Variants in MED13L observed in about 807,000 individuals in gnomAD.
MED13L encodes the protein mediator complex subunit 13L.
MED13L carries 7 observed loss-of-function variants against 220.9 expected under a neutral mutation model. That is an observed-to-expected ratio of 0.03 (90% CI 0.02 to 0.06). The LOEUF is 0.06. Ranked by LOEUF, MED13L falls within the 10% of genes least tolerant of loss-of-function variation. MED13L has a pLI of 1.00. For missense variants in MED13L, 1,965 were observed against 2,760.5 expected (o/e 0.71, Z 6.46); for synonymous variants, 1,011 against 1,015.2 (o/e 1.00, Z 0.08).
chr12:116,086,561 C>A (rs981895626), intron 4 of MED13L, among the ~76,000 whole-genome samples: 6 of 152,104 alleles, frequency 3.9e-5, no homozygotes, highest in African/African-American at 1.4e-4. Context: ...GGATTACAGG[C>A]GTGAGCTACT....
At chr12:116,144,414 C>CA (rs1877318541) in intron 2 of MED13L, among the ~76,000 whole-genome samples, 1 of 152,094 alleles carries the variant, frequency 6.6e-6, no homozygotes, top group Admixed American at 6.6e-5. Flanking sequence ...TGGGTGATTC[C>CA]AAAACTGAGT....
intron 14 of MED13L, 129 bp from the exon 15 acceptor site, chr12:115,997,359 A>T: frequency 1.4e-6 from 1 of 710,704 alleles, no homozygotes; most frequent in South Asian, 1.7e-5. Flanking sequence ...TCACAAAAGA[A>T]TATTAATAAT....
rs1393821873 is a variant in MED13L, at chr12:116,090,721, G to A, written c.479+5948C>T. Among the ~76,000 whole-genome samples the A allele has an allele frequency of 3.9e-5, 6 of 152,226 alleles. No homozygotes were observed. The South Asian group carries it at 1.2e-3, about 32-fold the overall frequency. ...AGATCATCTACATTTCCGGATGAACGGTCTATTGAACAAGGAGAGATTTGT... is the reference window on the plus strand; with the variant it reads ...AGATCATCTACATTTCCGGATGAACAGTCTATTGAACAAGGAGAGATTTGT... On this transcript the variant is annotated intron_variant, in intron 4 of 30. Transcript: ENST00000281928.
rs558781809 is a variant in MED13L at position 116,220,988 on chromosome 12, G to A, written c.310+16480C>T. 7.2e-5 allele frequency among the ~76,000 whole-genome samples: 11 copies of A among 152,172 alleles called. 4 individuals carry two copies. Among genetic ancestry groups the A allele is most frequent in the African/African-American group, 2.2e-4 (9 of 41,524 alleles). On this transcript the variant is annotated intron_variant, in intron 2 of 30. Coordinates refer to ENST00000281928, the MANE Select transcript of MED13L (RefSeq NM_015335.5). The stretch of plus-strand genomic sequence containing the variant: ...TCAACTAGGTTAAGTTAACAATCTC[G>A]ATGCGGTAAAAGCTGCCACTTATTT...
At chr12:116,128,297 G>C (rs1875766272) in intron 2 of MED13L, among the ~76,000 whole-genome samples, 1 of 152,038 alleles carries the variant, frequency 6.6e-6, no homozygotes. Context: ...AACCTAATAT[G>C]ATTCTAAGGA....
At chr12:116,061,538 T>A (rs2137637150) in intron 4 of MED13L, among the ~76,000 whole-genome samples, 1 of 152,206 alleles carries the variant, frequency 6.6e-6, no homozygotes, top group South Asian at 2.1e-4. Context: ...TAAAATAAGA[T>A]AAAATAAGTG....
chr12:116,186,564 G>A (rs1333445797), intron 2 of MED13L, among the ~76,000 whole-genome samples: 2 of 152,130 alleles, frequency 1.3e-5, no homozygotes, highest in Non-Finnish European at 2.9e-5. Context: ...GTAGGCATGT[G>A]ACACTAAGTC....
chr12:115,997,023 G>A lies in MED13L; in HGVS notation c.2777C>T (p.Pro926Leu), dbSNP rs1354851277. The A allele has an allele frequency of 6.2e-7, 1 of 1,613,618 alleles. No individual in the cohort carries two copies. The highest frequency in any genetic ancestry group is 1.1e-5 in the South Asian group (1 of 91,082). ...EVEDGLGSPKPEEIKDFSYVH... is the reference protein window; with the variant it reads ...EVEDGLGSPKLEEIKDFSYVH... ...ATTGACAACTACCTTAATTTCCTCG[G>A]GCTTGGGACTTCCTAATCCATCTTC... The change falls in exon 15 of 31, where the codon CCC (proline) becomes CTC (leucine). Residue 926 changes from proline (P) to leucine (L), a missense_variant. Around this residue, in one of 10 missense-constraint regions of MED13L, gnomAD observed 233 missense variants for 306.2 expected, o/e 0.76. Transcript: ENST00000281928.
At chr12:115,976,605 T>C (rs1280768198) in intron 23 of MED13L, among the ~76,000 whole-genome samples, 1 of 152,222 alleles carries the variant, frequency 6.6e-6, no homozygotes, top group Non-Finnish European at 1.5e-5. Flanking sequence ...ACACTTATGA[T>C]TGAGTACTTT....
At chr12:116,055,231 G>T (rs1203955433) in intron 4 of MED13L, among the ~76,000 whole-genome samples, 1 of 152,256 alleles carries the variant, frequency 6.6e-6, no homozygotes, top group East Asian at 1.9e-4. Flanking sequence ...CTGAATGCTA[G>T]AAATAAGGAT....
chr12:116,081,689 A>G (rs1181534977), intron 4 of MED13L, among the ~76,000 whole-genome samples: 1 of 152,192 alleles, frequency 6.6e-6, no homozygotes, highest in Non-Finnish European at 1.5e-5. Flanking sequence ...AAACATAATG[A>G]GACCCTGTCT....
chr12:116,175,707 T>C (rs186135348), intron 2 of MED13L, among the ~76,000 whole-genome samples: 16 of 152,242 alleles, frequency 1.1e-4, no homozygotes, highest in Middle Eastern at 3.4e-3. Flanking sequence ...CAGAGCAGCA[T>C]ACTAAACATT....
intron 4 of MED13L, among the ~76,000 whole-genome samples, chr12:116,050,280 GAGCGGGCACACAAA>G (rs1398650487): frequency 6.6e-6 from 1 of 152,132 alleles, no homozygotes; most frequent in Non-Finnish European, 1.5e-5. Context: ...GAAAATATGT[GAGCGGGCACACAAA>G]ATCTTAAAAT....
chr12:116,123,360 C>T lies in MED13L; in HGVS notation c.311-11848G>A, dbSNP rs16946525. Among the ~76,000 whole-genome samples the T allele has an allele frequency of 5.9e-3, 897 of 152,166 alleles. 12 individuals carry two copies. The highest frequency in any genetic ancestry group is 0.02 in the African/African-American group (841 of 41,510). On this transcript the variant is annotated intron_variant, in intron 2 of 30. Coordinates refer to ENST00000281928, the MANE Select transcript of MED13L (RefSeq NM_015335.5). ...AATCATCACAAGATAAATTTTGAGA[C>T]GGAAAAGCAGACATGTGATTCAGTT...
chr12:116,041,898 T>C (rs1264354645), intron 4 of MED13L, among the ~76,000 whole-genome samples: 1 of 151,954 alleles, frequency 6.6e-6, no homozygotes, highest in Non-Finnish European at 1.5e-5. Context: ...CAAAAGAACT[T>C]AAAGCCACCC....
At chr12:115,997,653 C>T (rs1333089677) in intron 14 of MED13L, among the ~76,000 whole-genome samples, 1 of 152,226 alleles carries the variant, frequency 6.6e-6, no homozygotes, top group Non-Finnish European at 1.5e-5. Context: ...AACTCCTGGG[C>T]TCAAGTGGCC....
chr12:116,080,029 T>C (rs1414388245), intron 4 of MED13L, among the ~76,000 whole-genome samples: 2 of 152,132 alleles, frequency 1.3e-5, no homozygotes, highest in Non-Finnish European at 2.9e-5. Flanking sequence ...AGGTTTTTTT[T>C]TTTTTTTAGC....
chr12:116,194,003 T>C (rs980762877), intron 2 of MED13L, among the ~76,000 whole-genome samples: 1 of 152,158 alleles, frequency 6.6e-6, no homozygotes, highest in Non-Finnish European at 1.5e-5. Context: ...TTTCAGCAAT[T>C]TACAAAACTT....
intron 3 of MED13L, among the ~76,000 whole-genome samples, chr12:116,106,922 CTTTTAATG>C (rs1332695698): frequency 6.6e-6 from 1 of 151,602 alleles, no homozygotes; most frequent in Non-Finnish European, 1.5e-5. Flanking sequence ...GACTATGTGA[CTTTTAATG>C]TTTGTCTCCC....
Sources: gnomAD v4.1 joint callset for allele counts (sites outside exome capture counted in the v4.1 genomes callset) on GRCh38, gnomAD v4.1.1 for gene constraint, gnomAD v4.1.1 regional missense constraint, MANE v1.5 for transcripts, NCBI Gene and HGNC (gene_info 2026-07-23, HGNC 2026-07-21) for gene names.